Variants in AGBL4 observed in about 807,000 individuals in gnomAD.
AGBL4 encodes the protein cytosolic carboxypeptidase 6.
Under a neutral mutation model 66.4 loss-of-function variants are expected in AGBL4, and 58 were observed. That is an observed-to-expected ratio of 0.87 (90% CI 0.71 to 1.09). AGBL4 has a LOEUF of 1.09. Ranked by LOEUF, AGBL4 falls within the 50% of genes least tolerant of loss-of-function variation. The pLI is 0.00. For missense variants in AGBL4, 579 were observed against 631.0 expected, an observed-to-expected ratio of 0.92 and a Z score of 0.88; for synonymous variants, 234 against 222.9, an observed-to-expected ratio of 1.05 and a Z score of -0.44.
intron 1 of AGBL4, among the ~76,000 whole-genome samples, chr1:49,931,567 G>A (rs890391720): frequency 6.6e-6 from 1 of 152,064 alleles, no homozygotes; most frequent in African/African-American, 2.4e-5. Flanking sequence ...CAGCAAGGGG[G>A]AAATTCGCCC....
intron 3 of AGBL4, among the ~76,000 whole-genome samples, chr1:49,288,245 G>T (rs1033760329): frequency 3.4e-5 from 5 of 147,404 alleles, no homozygotes; most frequent in African/African-American, 5.0e-5. Context: ...GGATAGCATT[G>T]GGAGATATAC....
chr1:49,735,164 C>A (rs892250664), intron 2 of AGBL4, among the ~76,000 whole-genome samples: 4 of 152,032 alleles, frequency 2.6e-5, no homozygotes, highest in Admixed American at 6.6e-5. Flanking sequence ...GTGAATATAT[C>A]TTACACAATA....
chr1:48,583,922 C>A (rs1368236541), intron 11 of AGBL4: 2 of 151,076 alleles, frequency 1.3e-5, no homozygotes, highest in African/African-American at 2.4e-5. Context: ...ATTGAATCGG[C>A]CTGAGCTTCC....
At chr1:49,936,879 A>G (rs1297925865) in intron 1 of AGBL4, among the ~76,000 whole-genome samples, 1 of 152,240 alleles carries the variant, frequency 6.6e-6, no homozygotes, top group Non-Finnish European at 1.5e-5. Context: ...CAGCCACTAC[A>G]AAATCATGCC....
intron 6 of AGBL4, among the ~76,000 whole-genome samples, chr1:48,689,118 G>C (rs1456227370): frequency 6.6e-6 from 1 of 150,980 alleles, no homozygotes; most frequent in Admixed American, 6.6e-5. Context: ...CCACTCAGGA[G>C]GCTGAGGCAG....
Position 48,778,565 on chromosome 1 carries a change from G to GA in AGBL4, c.634+88625dup, listed in dbSNP as rs1372072370. Among the ~76,000 whole-genome samples, 8 of 152,180 alleles carry GA rather than the reference G, an allele frequency of 5.3e-5. No individual in the cohort carries two copies. In the South Asian group the frequency reaches 6.2e-4, roughly 12 times the overall value. On this transcript the variant is annotated intron_variant, in intron 6 of 13. Coordinates refer to ENST00000371839, the MANE Select transcript of AGBL4 (RefSeq NM_032785.4). Reference sequence around the variant, plus strand: ...TCATCTTAATAAACTTTAGCTGTAAGAAAAAAACAGAATAAGTGCACCAAA... The same window carrying GA: ...TCATCTTAATAAACTTTAGCTGTAAGAAAAAAAACAGAATAAGTGCACCAAA...
In AGBL4 at chr1:48,736,150, A is replaced by T. The variant is rs1346425283; in HGVS notation, c.635-72909T>A. 5.6e-6 allele frequency: 8 copies of T among 1,433,116 alleles called. No homozygotes were observed. The highest frequency in any genetic ancestry group is 7.8e-6 in the Non-Finnish European group (8 of 1,023,172). 88.8% of individuals were successfully genotyped at this position (1,433,116 alleles called of 1,614,324 possible). On this transcript the variant is annotated intron_variant, in intron 6 of 13. Coordinates refer to ENST00000371839, the MANE Select transcript of AGBL4 (RefSeq NM_032785.4). This position sits in a 1 kb window ranked among gnomAD's most constrained non-coding sequence, Gnocchi z 4.0. The stretch of plus-strand genomic sequence containing the variant: ...GGGTCTGGCATGCAGAAGCTTCATA[A>T]GTAATCGTTGAATTGAATTGTGCCT...
At chr1:49,301,622 C>T (rs1336873783) in intron 3 of AGBL4, among the ~76,000 whole-genome samples, 1 of 152,168 alleles carries the variant, frequency 6.6e-6, no homozygotes, top group Non-Finnish European at 1.5e-5. Context: ...GTCATCGTTT[C>T]CTAGTTTGCT....
In AGBL4 at chr1:49,515,472, T is replaced by C. The variant is rs1456342540; in HGVS notation, c.282+181841A>G. 1.3e-4 allele frequency among the ~76,000 whole-genome samples: 20 copies of C among 151,550 alleles called. No homozygotes were observed. In the East Asian group the frequency reaches 3.5e-3, roughly 27 times the overall value. ...AAACTCATTCAACAATTGTGGAAGT[T>C]AGTGTGGCGATTCCTCAGGGATCTA... On this transcript the variant is annotated intron_variant, in intron 3 of 13. Coordinates refer to ENST00000371839, the MANE Select transcript of AGBL4 (RefSeq NM_032785.4).
intron 1 of AGBL4, among the ~76,000 whole-genome samples, chr1:49,936,087 G>C (rs915533395): frequency 6.6e-6 from 1 of 152,108 alleles, no homozygotes; most frequent in Admixed American, 6.5e-5. Context: ...TAAAAAGTTT[G>C]AAAACAATTT....
intron 3 of AGBL4, among the ~76,000 whole-genome samples, chr1:49,335,546 C>T (rs985567951): frequency 4.6e-5 from 7 of 151,454 alleles, no homozygotes; most frequent in African/African-American, 1.7e-4. Context: ...GATGGAGTCT[C>T]GCTCTGTTGC....
intron 6 of AGBL4, among the ~76,000 whole-genome samples, chr1:48,696,014 C>G (rs2148499253): frequency 6.6e-6 from 1 of 152,310 alleles, no homozygotes; most frequent in South Asian, 2.1e-4. Context: ...TCATTAGGAG[C>G]AGAAGCCCGC....
chr1:49,339,200 G>A (rs901473252), intron 3 of AGBL4, among the ~76,000 whole-genome samples: 3 of 152,024 alleles, frequency 2.0e-5, no homozygotes, highest in African/African-American at 4.8e-5. Context: ...AAGCAAAGGC[G>A]AGCTCCCAGG....
intron 3 of AGBL4, among the ~76,000 whole-genome samples, chr1:49,256,281 C>T (rs1015469493): frequency 6.6e-6 from 1 of 151,896 alleles, no homozygotes. Flanking sequence ...ATCACATATA[C>T]AACCAAAAAA....
rs149919563 is a variant in AGBL4, at chr1:49,776,056, T to C, written c.157+75340A>G. On this transcript the variant is annotated intron_variant, in intron 2 of 13. Coordinates refer to ENST00000371839, the MANE Select transcript of AGBL4 (RefSeq NM_032785.4). ...GGAGTTCAGAGTAAATTGAGAGAAATAGATACAAAAACAACCAATGACAAT... is the reference window on the plus strand; with the variant it reads ...GGAGTTCAGAGTAAATTGAGAGAAACAGATACAAAAACAACCAATGACAAT... Among the ~76,000 whole-genome samples the C allele has an allele frequency of 1.1e-3, 166 of 152,030 alleles. 1 individual carries two copies. The highest frequency in any genetic ancestry group is 3.8e-3 in the African/African-American group (156 of 41,502).
rs760418748 is a variant in AGBL4 at position 48,634,649 on chromosome 1, G to A, written c.840-45C>T. 7 of 1,406,028 alleles carry A rather than the reference G, an allele frequency of 5.0e-6. No homozygotes were observed. In the South Asian group the frequency reaches 9.2e-5, roughly 19 times the overall value. 87.1% of individuals were successfully genotyped at this position (1,406,028 alleles called of 1,614,324 possible). A position where few individuals can be genotyped will look rare whatever the true frequency, so the allele number is the denominator to read the frequency against. On this transcript the variant is annotated intron_variant, in intron 8 of 13. Transcript: ENST00000371839. ...AGAGTCAATATAGACAGGATAAGCTGAGCTTCTCACCTGTCAAAATATGCT... is the reference window on the plus strand; with the variant it reads ...AGAGTCAATATAGACAGGATAAGCTAAGCTTCTCACCTGTCAAAATATGCT...
At chr1:48,941,562 A>G (rs1246936916) in intron 5 of AGBL4, among the ~76,000 whole-genome samples, 1 of 152,180 alleles carries the variant, frequency 6.6e-6, no homozygotes, top group African/African-American at 2.4e-5. Context: ...GTGTATAAAC[A>G]CTTGTAAGAC....
intron 3 of AGBL4, among the ~76,000 whole-genome samples, chr1:49,624,114 G>A (rs1404507832): frequency 6.6e-6 from 1 of 151,948 alleles, no homozygotes; most frequent in East Asian, 1.9e-4. Context: ...ATAAATGTGA[G>A]ACATTTTAAA....
intron 3 of AGBL4, among the ~76,000 whole-genome samples, chr1:49,401,158 C>T (rs1255776284): frequency 1.3e-5 from 2 of 152,094 alleles, no homozygotes; most frequent in African/African-American, 2.4e-5. Flanking sequence ...CTGGGGAGGT[C>T]TGAGGAAACT....
Sources: allele counts gnomAD v4.1 joint callset (sites outside exome capture counted in the v4.1 genomes callset), GRCh38; gene constraint gnomAD v4.1.1; non-coding constraint Gnocchi (gnomAD v3.1); transcripts MANE v1.5; gene names NCBI Gene and HGNC (gene_info 2026-07-23, HGNC 2026-07-21).